SLC17A6: variants seen among roughly 807,000 people sequenced by gnomAD.
SLC17A6 encodes the protein solute carrier family 17 member 6, also known as vesicular glutamate transporter 2.
In SLC17A6, 35 loss-of-function variants were observed where a neutral mutation model predicts 67.1. The observed-to-expected ratio is 0.52, with a 90% CI of 0.40 to 0.69. SLC17A6 has a LOEUF of 0.69. Ranked by LOEUF, SLC17A6 falls within the 30% of genes least tolerant of loss-of-function variation. The pLI is 0.00. For synonymous variants in SLC17A6, 285 were observed against 252.3 expected, an observed-to-expected ratio of 1.13 and a Z score of -1.23; for missense variants, 588 against 723.9, an observed-to-expected ratio of 0.81 and a Z score of 2.15.
chr11:22,349,410 T>C (rs1316705427), intron 3 of SLC17A6, among the ~76,000 whole-genome samples: 2 of 152,218 alleles, frequency 1.3e-5, no homozygotes, highest in African/African-American at 2.4e-5. Flanking sequence ...TGCATTTTTC[T>C]GACAAAAGAA....
chr11:22,371,605 C>T (rs928309507), intron 8 of SLC17A6, among the ~76,000 whole-genome samples: 6 of 151,470 alleles, frequency 4.0e-5, no homozygotes, highest in African/African-American at 1.2e-4. Context: ...AGCCAGTTCT[C>T]GGGGGCAGAG....
chr11:22,362,685 C>A, intron 5 of SLC17A6, 54 bp from the exon 6 acceptor site: 1 of 1,406,578 alleles, frequency 7.1e-7, no homozygotes, highest in Non-Finnish European at 1.0e-6. Context: ...GAGATGATAT[C>A]AATAATTTCT....
At chr11:22,346,998 A>G (rs1039649952) in intron 3 of SLC17A6, among the ~76,000 whole-genome samples, 1 of 151,682 alleles carries the variant, frequency 6.6e-6, no homozygotes, top group Non-Finnish European at 1.5e-5. Context: ...TTTAAACTCT[A>G]TTTAATATTT....
chr11:22,342,996 C>A, intron 2 of SLC17A6: 1 of 576,832 alleles, frequency 1.7e-6, no homozygotes, highest in South Asian at 1.6e-5. Flanking sequence ...ATTCGATCTG[C>A]CTGACAGTAG....
chr11:22,376,378 A>G (rs896798929), intron 10 of SLC17A6, among the ~76,000 whole-genome samples, 167 bp from the exon 11 acceptor site: 18 of 152,180 alleles, frequency 1.2e-4, no homozygotes, highest in Admixed American at 3.3e-4. Context: ...ATAAGAATTC[A>G]TACCTCATTC....
At chr11:22,360,292 C>T (rs1466840440) in intron 4 of SLC17A6, among the ~76,000 whole-genome samples, 1 of 151,860 alleles carries the variant, frequency 6.6e-6, no homozygotes, top group African/African-American at 2.4e-5. Flanking sequence ...CACATGGACA[C>T]AGGGAGGGGA....
At chr11:22,345,814 CA>C (rs1855869483) in intron 3 of SLC17A6, among the ~76,000 whole-genome samples, 1 of 151,876 alleles carries the variant, frequency 6.6e-6, no homozygotes, top group Admixed American at 6.6e-5. Flanking sequence ...CAATATTGCA[CA>C]TTAGTAAGAA....
intron 9 of SLC17A6, among the ~76,000 whole-genome samples, chr11:22,375,367 C>T (rs954601315): frequency 4.6e-5 from 7 of 151,346 alleles, no homozygotes; most frequent in African/African-American, 1.7e-4. Context: ...AGTGAAACTC[C>T]GTCTCAAAAA....
intron 9 of SLC17A6, 59 bp downstream of exon 9, chr11:22,374,946 A>C: frequency 1.4e-6 from 2 of 1,463,668 alleles, no homozygotes; most frequent in South Asian, 2.9e-5. Context: ...AACCTACATG[A>C]GAGAATAACT....
intron 3 of SLC17A6, among the ~76,000 whole-genome samples, chr11:22,346,925 A>G (rs2133861197): frequency 6.6e-6 from 1 of 151,098 alleles, no homozygotes; most frequent in South Asian, 2.1e-4. Flanking sequence ...GATGAACATT[A>G]TATGTTTAAT....
At chr11:22,362,140 G>A (rs1427538879) in intron 5 of SLC17A6, 7 of 272,626 alleles carry the variant, frequency 2.6e-5, no homozygotes, top group Non-Finnish European at 4.5e-5. Flanking sequence ...CATGAGAATT[G>A]TCAGTATGTT....
chr11:22,379,141 T>C lies in SLC17A6; in HGVS notation c.*1401T>C, dbSNP rs1348855130. On this transcript the variant is annotated 3_prime_UTR_variant, in exon 12 of 12. Coordinates refer to ENST00000263160, the MANE Select transcript of SLC17A6 (RefSeq NM_020346.3). ...GCTGTTTGGGTGGTTGGAATAATTT[T>C]ATTTTTCTTTTAAAAAAGCTAACAT... 6.6e-6 allele frequency: 1 copy of C among 152,570 alleles called. No individual in the cohort carries two copies. Among genetic ancestry groups the C allele is most frequent in the Non-Finnish European group, 1.5e-5 (1 of 67,996 alleles). The allele number at this position is 152,570 out of a possible 1,614,324, so 9.5% of individuals were successfully genotyped here.
At chr11:22,369,633 T>G (rs1485444633) in intron 7 of SLC17A6, among the ~76,000 whole-genome samples, 3 of 151,920 alleles carry the variant, frequency 2.0e-5, no homozygotes, top group African/African-American at 7.2e-5. Flanking sequence ...TTCAACGTTT[T>G]AAATGAAATG....
chr11:22,344,874 T>C (rs1299063290), intron 3 of SLC17A6, among the ~76,000 whole-genome samples: 1 of 152,188 alleles, frequency 6.6e-6, no homozygotes, highest in African/African-American at 2.4e-5. Flanking sequence ...CCAATATATA[T>C]AGTCTTCACT....
chr11:22,343,816 G>A (rs969326136), intron 3 of SLC17A6, among the ~76,000 whole-genome samples: 2 of 152,120 alleles, frequency 1.3e-5, no homozygotes, highest in South Asian at 2.1e-4. Flanking sequence ...ACCTGGCCCC[G>A]TCCCCCGCCC....
In SLC17A6 at chr11:22,377,749, A is replaced by C. The variant is rs1384088891; in HGVS notation, c.*9A>C. On this transcript the variant is annotated 3_prime_UTR_variant, in exon 12 of 12. Transcript: ENST00000263160. Reference sequence around the variant, plus strand: ...GAGTTGATTATTCATAACAAAACTAATTACTGGATTTATTTTTAGTGTTTG... The same window carrying C: ...GAGTTGATTATTCATAACAAAACTACTTACTGGATTTATTTTTAGTGTTTG... 3.9e-6 allele frequency: 6 copies of C among 1,528,356 alleles called. No individual in the cohort carries two copies. The African/African-American group carries it at 7.0e-5, about 18-fold the overall frequency. 94.7% of individuals were successfully genotyped at this position (1,528,356 alleles called of 1,614,324 possible). A position where few individuals can be genotyped will look rare whatever the true frequency, so the allele number is the denominator to read the frequency against.
In SLC17A6 at chr11:22,378,172, C is replaced by T. The variant is rs141159602; in HGVS notation, c.*432C>T. 4.0e-4 allele frequency: 66 copies of T among 166,152 alleles called. No individual in the cohort carries two copies. The highest frequency in any genetic ancestry group is 1.5e-3 in the African/African-American group (63 of 42,210). 10.3% of individuals were successfully genotyped at this position (166,152 alleles called of 1,614,324 possible). The stretch of plus-strand genomic sequence containing the variant: ...AGAAGTTGGCTGCGTCAAGTAGAGG[C>T]GACATTTATTAAGTGAAAATCATGG... On this transcript the variant is annotated 3_prime_UTR_variant, in exon 12 of 12. Coordinates refer to ENST00000263160, the MANE Select transcript of SLC17A6 (RefSeq NM_020346.3).
chr11:22,364,812 G>A (rs769945567), intron 6 of SLC17A6, among the ~76,000 whole-genome samples: 13 of 152,032 alleles, frequency 8.6e-5, no homozygotes, highest in Non-Finnish European at 1.8e-4. Context: ...CGCACAAAAA[G>A]GACATGTTTT....
intron 7 of SLC17A6, among the ~76,000 whole-genome samples, chr11:22,368,778 T>G (rs12277999): frequency 3.9e-5 from 6 of 152,042 alleles, no homozygotes; most frequent in Admixed American, 1.3e-4. Context: ...CAGAACATAT[T>G]GATTTCTTTT....
Sources: gnomAD v4.1 joint callset for allele counts (sites outside exome capture counted in the v4.1 genomes callset) on GRCh38, gnomAD v4.1.1 for gene constraint, MANE v1.5 for transcripts, NCBI Gene and HGNC (gene_info 2026-07-23, HGNC 2026-07-21) for gene names.